The following NETO2 variants were observed in gnomAD, a reference collection of about 807,000 sequenced individuals.
NETO2 encodes neuropilin and tolloid like 2, also known as neuropilin and tolloid-like protein 2.
A neutral mutation model predicts 62.5 loss-of-function variants in NETO2; 28 were observed. The observed-to-expected ratio is 0.45, with a 90% CI of 0.33 to 0.61. NETO2 has a LOEUF of 0.61. Among genes scored for constraint, NETO2 ranks in the 20% least tolerant of loss-of-function variants. The pLI is 0.02. For missense variants in NETO2, 548 were observed against 643.2 expected (o/e 0.85, Z 1.60); for synonymous variants, 214 against 219.1 (o/e 0.98, Z 0.21).
At chr16:47,129,580 A>G (rs1964224716) in intron 2 of NETO2, among the ~76,000 whole-genome samples, 1 of 152,198 alleles carries the variant, frequency 6.6e-6, no homozygotes, top group African/African-American at 2.4e-5. Context: ...GTAAGAGAAC[A>G]GGGAAATAAA....
In NETO2 at chr16:47,083,596, A is replaced by G. The variant is rs1567377241; in HGVS notation, c.1203T>C (p.Phe401=). ...EVFDPPHYEL[F]SLRDKEISAD... is the part of the protein sequence containing the mutation. ...CAGAAATCTCTTTGTCCCTTAGTGA[A>G]AACAGTTCATAATGAGGAGGATCAA... Residue 401 remains phenylalanine (F), a synonymous_variant, in exon 9 of 9, where the codon TTT becomes TTC. Coordinates refer to ENST00000562435, the MANE Select transcript of NETO2 (RefSeq NM_018092.5). 3 of 1,614,190 alleles carry G rather than the reference A, an allele frequency of 1.9e-6. No individual in the cohort carries two copies. Among genetic ancestry groups the G allele is most frequent in the African/African-American group, 2.7e-5 (2 of 75,038 alleles).
chr16:47,120,616 T>C (rs1049393577), intron 6 of NETO2, among the ~76,000 whole-genome samples: 10 of 152,244 alleles, frequency 6.6e-5, no homozygotes, highest in Non-Finnish European at 1.5e-4. Flanking sequence ...TATACTTTTG[T>C]ACCCATTAAT....
rs1039206617 is a variant in NETO2, at chr16:47,118,475, T to A, written c.654+4182A>T. Among the ~76,000 whole-genome samples, 8 of 152,102 alleles carry A rather than the reference T, an allele frequency of 5.3e-5. No homozygotes were observed. The South Asian group carries it at 6.2e-4, about 12-fold the overall frequency. On this transcript the variant is annotated intron_variant, in intron 6 of 8. Coordinates refer to ENST00000562435, the MANE Select transcript of NETO2 (RefSeq NM_018092.5). ...TAGTTCCTCTGGCCAGAAAGACAAG[T>A]TTTCCTTAGAATTTTAGTCTCCCAA...
chr16:47,117,081 T>A (rs1429353969), intron 6 of NETO2, among the ~76,000 whole-genome samples: 2 of 152,192 alleles, frequency 1.3e-5, no homozygotes, highest in Non-Finnish European at 2.9e-5. Flanking sequence ...TCTAAATAAC[T>A]TCCTTTATAG....
At chr16:47,131,416 G>A (rs539830765) in intron 2 of NETO2, among the ~76,000 whole-genome samples, 1 of 152,286 alleles carries the variant, frequency 6.6e-6, no homozygotes, top group East Asian at 1.9e-4. Flanking sequence ...AGGGCAAGAT[G>A]GGGAACTCAT....
At chr16:47,092,620 T>C (rs1963336226) in intron 7 of NETO2, among the ~76,000 whole-genome samples, 1 of 152,202 alleles carries the variant, frequency 6.6e-6, no homozygotes, top group East Asian at 1.9e-4. Flanking sequence ...AAGCCTTTCT[T>C]GTTAGCTACG....
rs1322258220 is a variant in NETO2, at chr16:47,119,212, C to A, written c.654+3445G>T. On this transcript the variant is annotated intron_variant, in intron 6 of 8. Coordinates refer to ENST00000562435, the MANE Select transcript of NETO2 (RefSeq NM_018092.5). The stretch of plus-strand genomic sequence containing the variant: ...TGTTGCCCAGGCTGGAGTGCAGTGG[C>A]GTGATCTCAGCTCACTGCAAGCTCC... Among the ~76,000 whole-genome samples, 7 of 149,222 alleles carry A rather than the reference C, an allele frequency of 4.7e-5. No homozygotes were observed. In the South Asian group the frequency reaches 1.3e-3, roughly 27 times the overall value.
intron 8 of NETO2, among the ~76,000 whole-genome samples, chr16:47,085,073 T>C (rs1470307973): frequency 6.6e-6 from 1 of 152,154 alleles, no homozygotes; most frequent in African/African-American, 2.4e-5. Flanking sequence ...CCTTTAGTTC[T>C]TACACAGTGA....
rs369268117 is a variant in NETO2, at chr16:47,132,067, ATAC to A, written c.35-45_35-43del. 4 of 1,430,786 alleles carry A rather than the reference ATAC, an allele frequency of 2.8e-6. No homozygotes were observed. In the African/African-American group the frequency reaches 4.2e-5, roughly 15 times the overall value. 88.6% of individuals were successfully genotyped at this position (1,430,786 alleles called of 1,614,324 possible). A position where few individuals can be genotyped will look rare whatever the true frequency, so the allele number is the denominator to read the frequency against. On this transcript the variant is annotated intron_variant, in intron 1 of 8. Transcript: ENST00000562435. ...GAAGAAAAGTTATGAAATTGAATCT[ATAC>A]TACATTTTACTAAGTCAATAAATAA...
chr16:47,101,587 G>C (rs997618302), intron 7 of NETO2, among the ~76,000 whole-genome samples: 1 of 152,200 alleles, frequency 6.6e-6, no homozygotes, highest in Non-Finnish European at 1.5e-5. Flanking sequence ...CTTCAGCAAA[G>C]TCTCAGGATA....
rs915615017 is a variant in NETO2 at position 47,081,901 on chromosome 16, A to C, written c.*1320T>G. The C allele has an allele frequency of 3.9e-5, 6 of 152,628 alleles. No homozygotes were observed. The highest frequency in any genetic ancestry group is 7.4e-5 in the Non-Finnish European group (5 of 68,010). The allele number at this position is 152,628 out of a possible 1,614,324, so 9.5% of individuals were successfully genotyped here. The stretch of plus-strand genomic sequence containing the variant: ...TAAATACAGTAACAAAAGGAAAGAA[A>C]GAGCTTATGTCCACATTTCCAAGGT... On this transcript the variant is annotated 3_prime_UTR_variant, in exon 9 of 9. Transcript: ENST00000562435.
chr16:47,114,671 C>T (rs1963873395), intron 6 of NETO2, among the ~76,000 whole-genome samples: 1 of 151,408 alleles, frequency 6.6e-6, no homozygotes, highest in African/African-American at 2.4e-5. Context: ...AGGATGGCCT[C>T]GATTTCCCGA....
chr16:47,093,287 A>G (rs930297407), intron 7 of NETO2, among the ~76,000 whole-genome samples: 1 of 152,202 alleles, frequency 6.6e-6, no homozygotes, highest in African/African-American at 2.4e-5. Flanking sequence ...TCTGTCTAAA[A>G]TAACAGCCTC....
At chr16:47,094,123 AAAGTT>A (rs1207767655) in intron 7 of NETO2, among the ~76,000 whole-genome samples, 3 of 152,222 alleles carry the variant, frequency 2.0e-5, no homozygotes, top group Non-Finnish European at 4.4e-5. Context: ...AATGTAGATT[AAAGTT>A]AAGGGCCATT....
At chr16:47,085,547 G>A (rs1963168309) in intron 8 of NETO2, among the ~76,000 whole-genome samples, 1 of 151,492 alleles carries the variant, frequency 6.6e-6, no homozygotes, top group Non-Finnish European at 1.5e-5. Context: ...ACGCCTAGCT[G>A]ATTTTTTTGT....
At chr16:47,088,855 G>A (rs1299757807) in intron 7 of NETO2, among the ~76,000 whole-genome samples, 1 of 152,122 alleles carries the variant, frequency 6.6e-6, no homozygotes, top group Non-Finnish European at 1.5e-5. Flanking sequence ...TCAATGGGCT[G>A]TGAACATGGG....
At chr16:47,137,463 A>T (rs1240143035) in intron 1 of NETO2, among the ~76,000 whole-genome samples, 2 of 152,150 alleles carry the variant, frequency 1.3e-5, no homozygotes, top group Non-Finnish European at 2.9e-5. Context: ...GGCAGGAGAC[A>T]TGTTTGGACC....
chr16:47,128,260 T>C, intron 4 of NETO2, 65 bp downstream of exon 4: 2 of 1,536,690 alleles, frequency 1.3e-6, no homozygotes, highest in Non-Finnish European at 8.8e-7. Context: ...TTTTCTAACC[T>C]TAAGATTCTA....
Position 47,122,643 on chromosome 16 carries a change from A to G in NETO2, c.654+14T>C, listed in dbSNP as rs746881319. ...TGATGTTCTTCTCTGAAGCGACTCAATACATAATAATACCTTAGCTTTTGG... is the reference window on the plus strand; with the variant it reads ...TGATGTTCTTCTCTGAAGCGACTCAGTACATAATAATACCTTAGCTTTTGG... On this transcript the variant is annotated intron_variant, in intron 6 of 8. Coordinates refer to ENST00000562435, the MANE Select transcript of NETO2 (RefSeq NM_018092.5). 12 of 1,611,428 alleles carry G rather than the reference A, an allele frequency of 7.4e-6. No individual in the cohort carries two copies. Among genetic ancestry groups the G allele is most frequent in the Non-Finnish European group, 1.0e-5 (12 of 1,179,394 alleles).
Sources: gnomAD v4.1 joint callset for allele counts (sites outside exome capture counted in the v4.1 genomes callset) on GRCh38, gnomAD v4.1.1 for gene constraint, MANE v1.5 for transcripts, NCBI Gene and HGNC (gene_info 2026-07-23, HGNC 2026-07-21) for gene names.